PRKG1: variants seen among roughly 807,000 people sequenced by gnomAD.
PRKG1 encodes the protein cGMP-dependent protein kinase 1.
Under a neutral mutation model 88.1 loss-of-function variants are expected in PRKG1, and 35 were observed. The ratio of observed to expected loss-of-function variants is 0.40; its 90% CI spans 0.30 to 0.53. The LOEUF (loss-of-function observed/expected upper bound fraction) is 0.53. PRKG1 is among the 20% of genes least tolerant of loss of function. The probability of loss-of-function intolerance (pLI) is 0.59; values close to 1 mark genes in which losing one functional copy is unlikely to be tolerated. For missense variants in PRKG1, 540 were observed against 839.8 expected (o/e 0.64, Z 4.41); for synonymous variants, 303 against 292.5 (o/e 1.04, Z -0.37).
At chr10:51,642,689 A>C (rs117759713) in intron 3 of PRKG1, among the ~76,000 whole-genome samples, 2,016 of 152,300 alleles carry the variant, frequency 0.013, 26 homozygotes, top group Non-Finnish European at 0.022. Context: ...TAGTTCTTAG[A>C]GAGCAAGGAA....
At chr10:51,613,830 C>G (rs1838975684) in intron 3 of PRKG1, among the ~76,000 whole-genome samples, 2 of 151,612 alleles carry the variant, frequency 1.3e-5, no homozygotes, top group African/African-American at 4.8e-5. Context: ...GTTTTATTCC[C>G]TTGTGGTCTG....
chr10:51,650,527 G>A (rs1406547726), intron 3 of PRKG1, among the ~76,000 whole-genome samples: 1 of 152,138 alleles, frequency 6.6e-6, no homozygotes. Context: ...AGAATTCAGT[G>A]TTGACTTTCA....
In PRKG1 at chr10:51,133,749, T is replaced by C. The variant is rs577416401; in HGVS notation, c.312-19415T>C. On this transcript the variant is annotated intron_variant, in intron 1 of 17. Transcript: ENST00000373980. ...TGATTTTAATATCAAAGGGAAGATA[T>C]TAAATCTCACTCGTGAATTATGATG... Among the ~76,000 whole-genome samples, 4 of 152,320 alleles carry C rather than the reference T, an allele frequency of 2.6e-5. No individual in the cohort carries two copies. The South Asian group carries it at 6.2e-4, about 24-fold the overall frequency.
At chr10:51,385,618 T>A (rs928245843) in intron 2 of PRKG1, among the ~76,000 whole-genome samples, 2 of 152,138 alleles carry the variant, frequency 1.3e-5, no homozygotes, top group African/African-American at 4.8e-5. Context: ...GATGGACTCC[T>A]ACATTGGCCT....
chr10:51,955,885 A>G (rs574329921), intron 5 of PRKG1, among the ~76,000 whole-genome samples: 1 of 152,270 alleles, frequency 6.6e-6, no homozygotes, highest in African/African-American at 2.4e-5. Flanking sequence ...GGAAGAGCTA[A>G]TTTAGTGGCT....
chr10:52,291,778 T>C (rs1842253768), intron 17 of PRKG1, among the ~76,000 whole-genome samples: 1 of 151,958 alleles, frequency 6.6e-6, no homozygotes, highest in South Asian at 2.1e-4. Context: ...AGTAATGGGA[T>C]GGCTGGGTCA....
intron 3 of PRKG1, among the ~76,000 whole-genome samples, chr10:51,670,146 G>T (rs1000449370): frequency 1.3e-5 from 2 of 151,702 alleles, no homozygotes; most frequent in Non-Finnish European, 2.9e-5. Flanking sequence ...ATTTTTGTTT[G>T]TTTGTTTCCA....
intron 3 of PRKG1, among the ~76,000 whole-genome samples, chr10:51,500,787 G>T (rs1841003491): frequency 1.3e-5 from 2 of 152,176 alleles, no homozygotes; most frequent in South Asian, 4.2e-4. Flanking sequence ...ATCCCCAAAG[G>T]GTAGGCACAG....
intron 2 of PRKG1, among the ~76,000 whole-genome samples, chr10:51,304,567 T>A (rs770398821): frequency 8.6e-4 from 130 of 151,726 alleles, no homozygotes; most frequent in Non-Finnish European, 1.6e-3. Flanking sequence ...TGTGCCATGC[T>A]GCTGTGCTGT....
At chr10:51,643,416 C>G (rs190022765) in intron 3 of PRKG1, among the ~76,000 whole-genome samples, 1 of 152,132 alleles carries the variant, frequency 6.6e-6, no homozygotes, top group Non-Finnish European at 1.5e-5. Flanking sequence ...ATACATCTCT[C>G]TAGGAAGTTT....
intron 7 of PRKG1, among the ~76,000 whole-genome samples, chr10:52,068,600 G>C (rs1227446579): frequency 6.6e-6 from 1 of 152,178 alleles, no homozygotes; most frequent in Non-Finnish European, 1.5e-5. Context: ...ATTTGGGTGA[G>C]TGCATATAAT....
chr10:51,081,575 G>A (rs1210654999), intron 1 of PRKG1, among the ~76,000 whole-genome samples: 5 of 152,206 alleles, frequency 3.3e-5, no homozygotes, highest in Admixed American at 6.5e-5. Flanking sequence ...TGGTGTTTGT[G>A]CAGCCAACAG....
chr10:51,922,209 T>C (rs1239589639), intron 5 of PRKG1, among the ~76,000 whole-genome samples: 1 of 151,598 alleles, frequency 6.6e-6, no homozygotes, highest in Non-Finnish European at 1.5e-5. Flanking sequence ...TTTTTTTTTA[T>C]TTTTTGTTAA....
At chr10:51,179,217 T>A (rs1467893313) in intron 2 of PRKG1, among the ~76,000 whole-genome samples, 6 of 152,186 alleles carry the variant, frequency 3.9e-5, no homozygotes, top group Non-Finnish European at 7.3e-5. Flanking sequence ...AGTAAATTCT[T>A]TGGACTCTGT....
At chr10:51,808,736 T>C (rs1839373222) in intron 4 of PRKG1, among the ~76,000 whole-genome samples, 1 of 152,200 alleles carries the variant, frequency 6.6e-6, no homozygotes, top group Non-Finnish European at 1.5e-5. Context: ...TAAATAAAAC[T>C]TGCATCTACA....
intron 2 of PRKG1, among the ~76,000 whole-genome samples, chr10:51,318,613 G>C (rs1256931176): frequency 6.6e-6 from 1 of 152,180 alleles, no homozygotes; most frequent in African/African-American, 2.4e-5. Flanking sequence ...TGAATGCAGA[G>C]TAGGGAAAGC....
intron 2 of PRKG1, among the ~76,000 whole-genome samples, chr10:51,359,692 A>C (rs1842438218): frequency 6.6e-6 from 1 of 151,926 alleles, no homozygotes. Flanking sequence ...CTTGCTGTAA[A>C]TAATCATATG....
chr10:51,372,700 T>C (rs1842729230), intron 2 of PRKG1, among the ~76,000 whole-genome samples: 1 of 150,140 alleles, frequency 6.7e-6, no homozygotes, highest in South Asian at 2.1e-4. Flanking sequence ...GATTTTGTCC[T>C]ATTTCAAATT....
At chr10:52,054,292 C>T (rs1371542296) in intron 5 of PRKG1, among the ~76,000 whole-genome samples, 192 bp from the exon 6 acceptor site, 1 of 151,932 alleles carries the variant, frequency 6.6e-6, no homozygotes, top group Non-Finnish European at 1.5e-5. Context: ...AGAAAATGAG[C>T]ATTATAGAGA....
Sources: allele counts gnomAD v4.1 joint callset (sites outside exome capture counted in the v4.1 genomes callset), GRCh38; gene constraint gnomAD v4.1.1; transcripts MANE v1.5; gene names NCBI Gene and HGNC (gene_info 2026-07-23, HGNC 2026-07-21).